The following POLR1D variants were observed in gnomAD, a reference collection of about 807,000 sequenced individuals.
POLR1D encodes the protein DNA-directed RNA polymerases I and III subunit RPAC2.
A neutral mutation model predicts 10.8 loss-of-function variants in POLR1D; 8 were observed. The observed-to-expected ratio is 0.74, with a 90% CI of 0.43 to 1.33. The LOEUF (loss-of-function observed/expected upper bound fraction) is 1.33. POLR1D is among the 40% of genes most tolerant of loss of function. POLR1D has a pLI of 0.01. For missense variants in POLR1D, 152 were observed against 161.7 expected (o/e 0.94, Z 0.32); for synonymous variants, 54 against 57.2 (o/e 0.94, Z 0.25).
At chr13:27,660,438 G>A (rs1429728498) in intron 2 of POLR1D, among the ~76,000 whole-genome samples, 1 of 152,212 alleles carries the variant, frequency 6.6e-6, no homozygotes, top group Admixed American at 6.5e-5. Context: ...TTGCTTCCAT[G>A]ACTCCAAGGT....
At chr13:27,632,332 T>G (rs1218953) in intron 1 of POLR1D, among the ~76,000 whole-genome samples, 1 of 152,180 alleles carries the variant, frequency 6.6e-6, no homozygotes, top group Non-Finnish European at 1.5e-5. Flanking sequence ...TTGAAAGGAT[T>G]TGATTCCAAG....
intron 1 of POLR1D, among the ~76,000 whole-genome samples, chr13:27,645,432 C>G (rs1956210418): frequency 6.6e-6 from 1 of 152,136 alleles, no homozygotes; most frequent in Non-Finnish European, 1.5e-5. Context: ...TGCCCTTCTC[C>G]TTGATCGTTA....
At chr13:27,633,976 CAT>C (rs1296724109) in intron 1 of POLR1D, among the ~76,000 whole-genome samples, 1 of 152,192 alleles carries the variant, frequency 6.6e-6, no homozygotes, top group Non-Finnish European at 1.5e-5. Context: ...GTACCATCAT[CAT>C]ATTCTTGTCA....
At chr13:27,645,323 G>A (rs138956071) in intron 1 of POLR1D, among the ~76,000 whole-genome samples, 226 of 152,062 alleles carry the variant, frequency 1.5e-3, no homozygotes, top group Middle Eastern at 3.4e-3. Flanking sequence ...GATTTGCTGC[G>A]CAGATATTTG....
chr13:27,645,633 G>A (rs1956213244), intron 1 of POLR1D, among the ~76,000 whole-genome samples: 1 of 151,916 alleles, frequency 6.6e-6, no homozygotes, highest in Non-Finnish European at 1.5e-5. Context: ...ATGGGAATGG[G>A]TCACGCTGCA....
intron 2 of POLR1D, among the ~76,000 whole-genome samples, chr13:27,657,505 G>A (rs934254623): frequency 6.6e-6 from 1 of 152,082 alleles, no homozygotes; most frequent in Non-Finnish European, 1.5e-5. Flanking sequence ...CAGCCTGGGC[G>A]ACGGAGCAAG....
intron 2 of POLR1D, among the ~76,000 whole-genome samples, chr13:27,660,612 C>T: frequency 6.6e-6 from 1 of 152,222 alleles, no homozygotes; most frequent in East Asian, 1.9e-4. Context: ...AGACCTGTCA[C>T]TGTGTGTGCA....
At chr13:27,624,399 G>T (rs184130179), downstream of POLR1D, among the ~76,000 whole-genome samples, 132 of 152,270 alleles carry the variant, frequency 8.7e-4, 2 homozygotes, top group Admixed American at 6.8e-3. Flanking sequence ...AGTAGTTATG[G>T]CATGCAGCTT....
intron 1 of POLR1D, chr13:27,646,054 A>G (rs1168429798): frequency 6.6e-6 from 1 of 152,230 alleles, no homozygotes; most frequent in Non-Finnish European, 1.5e-5. Flanking sequence ...TGGTCCAGAA[A>G]GCTAGGCAAA....
downstream of POLR1D, among the ~76,000 whole-genome samples, chr13:27,625,575 G>A (rs769113595): frequency 1.1e-4 from 16 of 152,126 alleles, no homozygotes; most frequent in South Asian, 8.3e-4. Context: ...GTAAGCAGTG[G>A]CTATGTGAGT....
chr13:27,667,258 C>G (rs1219919025), exon 3 of POLR1D: 1 of 152,158 alleles, frequency 6.6e-6, no homozygotes, highest in Non-Finnish European at 1.5e-5. Flanking sequence ...GGAATTATTG[C>G]TTCATCTGAC....
chr13:27,644,143 A>C (rs889158163), intron 1 of POLR1D, among the ~76,000 whole-genome samples: 1 of 152,168 alleles, frequency 6.6e-6, no homozygotes, highest in Non-Finnish European at 1.5e-5. Context: ...ATTTTTGAGC[A>C]GTTATTTGAG....
intron 1 of POLR1D, among the ~76,000 whole-genome samples, chr13:27,629,946 CTG>C (rs1197322014): frequency 2.6e-5 from 4 of 152,130 alleles, no homozygotes; most frequent in Non-Finnish European, 5.9e-5. Context: ...GAGTCTCACT[CTG>C]TTGCCCAGGC....
chr13:27,627,727 G>GTTTTTTTTTTTTTTTTTTTTTTTTTTTT (rs57621806), downstream of POLR1D, among the ~76,000 whole-genome samples: 3 of 95,426 alleles, frequency 3.1e-5, no homozygotes, highest in Non-Finnish European at 4.3e-5. Flanking sequence ...TAAAGTTTTA[G>GTTTTTTTTTTTTTTTTTTTTTTTTTTTT]TTTTTTTTTT....
At chr13:27,655,836 G>T (rs545636866) in intron 2 of POLR1D, among the ~76,000 whole-genome samples, 1 of 142,858 alleles carries the variant, frequency 7.0e-6, no homozygotes, top group South Asian at 2.1e-4. Context: ...ACTGGGGGAA[G>T]AAAGAGGCAG....
chr13:27,629,705 C>T (rs1956054664), intron 1 of POLR1D, among the ~76,000 whole-genome samples: 1 of 152,090 alleles, frequency 6.6e-6, no homozygotes, highest in Non-Finnish European at 1.5e-5. Flanking sequence ...TTGTGTTTCT[C>T]CTCTTTTTAA....
At chr13:27,633,892 G>A (rs765321526) in intron 1 of POLR1D, among the ~76,000 whole-genome samples, 1 of 152,142 alleles carries the variant, frequency 6.6e-6, no homozygotes, top group Non-Finnish European at 1.5e-5. Context: ...TTCCAAAAGT[G>A]ATTAAAATTG....
At chr13:27,652,057 A>T (rs973735140) in intron 2 of POLR1D, among the ~76,000 whole-genome samples, 3 of 152,234 alleles carry the variant, frequency 2.0e-5, no homozygotes, top group Non-Finnish European at 2.9e-5. Flanking sequence ...GGTTTCGGAT[A>T]TAAGGCTGTA....
intron 1 of POLR1D, among the ~76,000 whole-genome samples, chr13:27,639,247 G>A (rs1455044908): frequency 6.6e-6 from 1 of 152,134 alleles, no homozygotes; most frequent in African/African-American, 2.4e-5. Context: ...TTGAGTAAAA[G>A]AACTCAATAA....
Sources: allele counts gnomAD v4.1 joint callset (sites outside exome capture counted in the v4.1 genomes callset), GRCh38; gene constraint gnomAD v4.1.1; transcripts MANE v1.5; gene names NCBI Gene and HGNC (gene_info 2026-07-23, HGNC 2026-07-21).